The following RTTN variants were observed in gnomAD, a reference collection of about 807,000 sequenced individuals.
RTTN encodes rotatin.
RTTN carries 182 observed loss-of-function variants against 269.2 expected under a neutral mutation model. That is an observed-to-expected ratio of 0.68 (90% CI 0.60 to 0.76). The LOEUF is 0.76. RTTN is among the 30% of genes least tolerant of loss of function. The probability of loss-of-function intolerance (pLI) is 0.00; values close to 1 mark genes in which losing one functional copy is unlikely to be tolerated. For missense variants in RTTN, 2,545 were observed against 2,608.6 expected (o/e 0.98, Z 0.53); for synonymous variants, 1,006 against 963.5 (o/e 1.04, Z -0.82).
At chr18:70,032,655 A>G (rs1455162572) in intron 40 of RTTN, among the ~76,000 whole-genome samples, 1 of 152,254 alleles carries the variant, frequency 6.6e-6, no homozygotes, top group African/African-American at 2.4e-5. Flanking sequence ...TGCACTAAAC[A>G]CAGAAACATC....
chr18:70,201,702 G>A (rs796396081), intron 4 of RTTN, among the ~76,000 whole-genome samples, 192 bp downstream of exon 4: 3 of 147,418 alleles, frequency 2.0e-5, no homozygotes, highest in African/African-American at 7.4e-5. Context: ...GTTCAAATAT[G>A]GTTAGAATAA....
intron 33 of RTTN, chr18:70,074,870 A>G (rs1223713500): frequency 6.6e-6 from 1 of 151,946 alleles, no homozygotes; most frequent in African/African-American, 2.4e-5. Flanking sequence ...ACTAAAATAA[A>G]TAACTTTTTG....
chr18:70,190,483 G>A (rs747481774), intron 9 of RTTN, 55 bp downstream of exon 9: 64 of 1,387,350 alleles, frequency 4.6e-5, no homozygotes, highest in Admixed American at 9.0e-5. Flanking sequence ...AAATCCTAAC[G>A]AAATACAAAA....
chr18:70,079,651 G>C (rs981004545), intron 32 of RTTN, among the ~76,000 whole-genome samples: 1 of 152,106 alleles, frequency 6.6e-6, no homozygotes, highest in African/African-American at 2.4e-5. Context: ...GGGGCTGCCA[G>C]ATCGTCTGCT....
chr18:70,074,109 T>C (rs2058366633), intron 33 of RTTN, 115 bp from the exon 34 acceptor site: 5 of 622,468 alleles, frequency 8.0e-6, no homozygotes, highest in Middle Eastern at 2.8e-4. Flanking sequence ...AAAAAACTTA[T>C]ATGGATCTGG....
chr18:70,198,268 C>CA lies in RTTN; in HGVS notation c.579-531dup, dbSNP rs376972434. Among the ~76,000 whole-genome samples the CA allele has an allele frequency of 2.8e-4, 43 of 152,186 alleles. 1 individual carries two copies. Among genetic ancestry groups the CA allele is most frequent in the African/African-American group, 7.5e-4 (31 of 41,514 alleles). On this transcript the variant is annotated intron_variant, in intron 5 of 48. Coordinates refer to ENST00000640769, the MANE Select transcript of RTTN (RefSeq NM_173630.4). The stretch of plus-strand genomic sequence containing the variant: ...ATTGGCAGTTGTTCACTCCCCACCC[C>CA]AAAAAAATCACACCCCTTCTCTCAG...
chr18:70,119,295 C>CA (rs200672745), intron 26 of RTTN, among the ~76,000 whole-genome samples: 2,534 of 141,712 alleles, frequency 0.018, 44 homozygotes, highest in Non-Finnish European at 0.021. Flanking sequence ...CGCGCCCCCC[C>CA]AAAAAAAAAC....
rs2058362723 is a variant in RTTN at position 70,073,956 on chromosome 18, T to G, written c.4603A>C (p.Arg1535=). The change falls in exon 34 of 49, where the codon AGG becomes CGG. Residue 1535 remains arginine, a synonymous_variant. Coordinates refer to ENST00000640769, the MANE Select transcript of RTTN (RefSeq NM_173630.4). ...DSFKFWRAPS[R]TSQDRDPSSL... ...CTTGGATCTCGATCCTGACTTGTCC[T>G]AGATGGAGCCCTCCAAAACTTGAAT... is the stretch of plus-strand genomic sequence containing the variant. The G allele has an allele frequency of 6.2e-7, 1 of 1,612,032 alleles. No individual in the cohort carries two copies.
intron 40 of RTTN, among the ~76,000 whole-genome samples, chr18:70,036,583 A>C (rs1463430193): frequency 6.6e-6 from 1 of 152,138 alleles, no homozygotes; most frequent in Non-Finnish European, 1.5e-5. Flanking sequence ...CAGAAAAAAT[A>C]ACTATTGGGT....
rs144694072 is a variant in RTTN, at chr18:70,162,779, T to C, written c.1929+3283A>G. On this transcript the variant is annotated intron_variant, in intron 14 of 48. Transcript: ENST00000640769. The stretch of plus-strand genomic sequence containing the variant: ...TCAAAAAACTACCTATTGGGTACTA[T>C]GCTCACTACCTGGCTGACAAAATCA... Among the ~76,000 whole-genome samples, 744 of 150,650 alleles carry C rather than the reference T, an allele frequency of 4.9e-3. 5 individuals carry two copies. Among genetic ancestry groups the C allele is most frequent in the African/African-American group, 0.017 (714 of 40,908 alleles).
At chr18:70,093,663 T>C (rs1014252194) in intron 28 of RTTN, among the ~76,000 whole-genome samples, 3 of 152,218 alleles carry the variant, frequency 2.0e-5, no homozygotes, top group Non-Finnish European at 4.4e-5. Flanking sequence ...AACTTGATCA[T>C]GGTGGATAAG....
chr18:70,062,082 G>A (rs1401297130), intron 35 of RTTN, among the ~76,000 whole-genome samples: 8 of 152,130 alleles, frequency 5.3e-5, no homozygotes, highest in Non-Finnish European at 2.9e-5. Context: ...AGAGTTCAAT[G>A]CTTGGTTACA....
intron 28 of RTTN, among the ~76,000 whole-genome samples, chr18:70,105,895 A>G (rs1239854522): frequency 2.0e-5 from 3 of 152,172 alleles, no homozygotes; most frequent in Non-Finnish European, 4.4e-5. Context: ...TAAAAACTAT[A>G]CACAATATAT....
At chr18:70,029,936 T>C in intron 42 of RTTN, 76 bp downstream of exon 42, 1 of 981,396 alleles carries the variant, frequency 1.0e-6, no homozygotes, top group Non-Finnish European at 1.6e-6. Context: ...CATTTCAAGC[T>C]CGTGCTCATT....
rs569666216 is a variant in RTTN, at chr18:70,166,972, G to C, written c.1749C>G (p.Ser583=). The C allele has an allele frequency of 5.6e-6, 9 of 1,613,770 alleles. 2 individuals carry two copies. The South Asian group carries it at 9.9e-5, about 18-fold the overall frequency. The change falls in exon 13 of 49, where the codon TCC becomes TCG. Residue 583 remains serine, a synonymous_variant. Transcript: ENST00000640769. ...ELADQALRSF[S]YHQHFPLIKE... ...TTATTAGCGGGAAATGCTGATGATAGGAAAAGCTACGCAAGGCTTGGTCTG... is the reference window on the plus strand; with the variant it reads ...TTATTAGCGGGAAATGCTGATGATACGAAAAGCTACGCAAGGCTTGGTCTG...
At chr18:70,061,400 C>T (rs1296879971) in intron 35 of RTTN, 1 of 456,036 alleles carries the variant, frequency 2.2e-6, no homozygotes, top group Admixed American at 2.3e-5. Context: ...GTGTCGATTC[C>T]CTAAAGTGGA....
chr18:70,015,727 CTA>C, intron 46 of RTTN, among the ~76,000 whole-genome samples: 1 of 152,236 alleles, frequency 6.6e-6, no homozygotes, highest in African/African-American at 2.4e-5. Context: ...AAAAATAATT[CTA>C]GAGGGGTCTA....
rs1160581138 is a variant in RTTN, at chr18:70,116,099, T to C, written c.3529-1500A>G. Among the ~76,000 whole-genome samples the C allele has an allele frequency of 2.0e-5, 3 of 151,974 alleles. No individual in the cohort carries two copies. In the East Asian group the frequency reaches 5.8e-4, roughly 29 times the overall value. On this transcript the variant is annotated intron_variant, in intron 26 of 48. Coordinates refer to ENST00000640769, the MANE Select transcript of RTTN (RefSeq NM_173630.4). ...ATGAATAAAAGAATCGAAATACACA[T>C]TTAGTAAATCATAAAAATAAATAAA... is the stretch of plus-strand genomic sequence containing the variant.
chr18:70,164,901 A>G (rs2060945581), intron 14 of RTTN, among the ~76,000 whole-genome samples: 1 of 152,212 alleles, frequency 6.6e-6, no homozygotes, highest in Non-Finnish European at 1.5e-5. Context: ...GAAAAGGAAA[A>G]TATTTTAAAA....
Sources: allele counts gnomAD v4.1 joint callset (sites outside exome capture counted in the v4.1 genomes callset), GRCh38; gene constraint gnomAD v4.1.1; transcripts MANE v1.5; gene names NCBI Gene and HGNC (gene_info 2026-07-23, HGNC 2026-07-21).